Variants in TSHR observed in about 807,000 individuals in gnomAD.
The protein encoded by TSHR is thyroid stimulating hormone receptor.
A neutral mutation model predicts 64.1 loss-of-function variants in TSHR; 51 were observed. The ratio of observed to expected loss-of-function variants is 0.80; its 90% CI spans 0.64 to 1.01. The LOEUF is 1.01. Among genes scored for constraint, TSHR ranks in the 50% least tolerant of loss-of-function variants. TSHR has a pLI of 0.00. For missense variants in TSHR, 877 were observed against 942.8 expected, an observed-to-expected ratio of 0.93 and a Z score of 0.91; for synonymous variants, 361 against 361.9, an observed-to-expected ratio of 1.00 and a Z score of 0.03.
chr14:81,057,211 G>A (rs1223155746), intron 1 of TSHR, among the ~76,000 whole-genome samples: 4 of 152,160 alleles, frequency 2.6e-5, no homozygotes, highest in African/African-American at 9.7e-5. Flanking sequence ...AGGAGTTTGA[G>A]ACCAGCCTGG....
At chr14:80,980,170 T>C (rs1427379897) in intron 1 of TSHR, among the ~76,000 whole-genome samples, 1 of 152,224 alleles carries the variant, frequency 6.6e-6, no homozygotes, top group Non-Finnish European at 1.5e-5. Flanking sequence ...GAATGTGTCA[T>C]TCACTCTGCT....
At chr14:81,001,794 A>T (rs1889334946) in intron 1 of TSHR, 4 of 325,570 alleles carry the variant, frequency 1.2e-5, no homozygotes, top group African/African-American at 2.2e-5. Context: ...TGAACAGAAA[A>T]CTATTTTCAC....
intron 8 of TSHR, among the ~76,000 whole-genome samples, chr14:81,115,078 G>GA (rs1890432409): frequency 6.6e-6 from 1 of 152,188 alleles, no homozygotes; most frequent in South Asian, 2.1e-4. Context: ...CAAAGATGGG[G>GA]AAAAAACAGA....
At chr14:81,057,376 G>A (rs764985869) in intron 1 of TSHR, among the ~76,000 whole-genome samples, 12 of 152,144 alleles carry the variant, frequency 7.9e-5, no homozygotes, top group East Asian at 5.8e-4. Context: ...GCACCACTGT[G>A]CTCCAGCCTG....
intron 6 of TSHR, among the ~76,000 whole-genome samples, chr14:81,095,767 T>A (rs1889127160): frequency 6.6e-6 from 1 of 151,940 alleles, no homozygotes; most frequent in Non-Finnish European, 1.5e-5. Flanking sequence ...ACATTAACAT[T>A]TCCAGCCCAG....
chr14:80,962,857 G>C (rs1887105995), intron 1 of TSHR, among the ~76,000 whole-genome samples: 1 of 152,120 alleles, frequency 6.6e-6, no homozygotes, highest in Admixed American at 6.5e-5. Flanking sequence ...AATCTAGAAA[G>C]GTGTAAAATA....
rs7148964 is a variant in TSHR at position 81,108,472 on chromosome 14, G to T, written c.692+20G>T. On this transcript the variant is annotated intron_variant, in intron 8 of 9. Coordinates refer to ENST00000298171, the MANE Select transcript of TSHR (RefSeq NM_000369.5). Reference sequence around the variant, plus strand: ...CTTGCTGTGAGTAAGACATACAAAAGAATATTTTAGTCTTTTTTTTTCTTT... The same window carrying T: ...CTTGCTGTGAGTAAGACATACAAAATAATATTTTAGTCTTTTTTTTTCTTT... 4.9e-6 allele frequency: 6 copies of T among 1,214,134 alleles called. No individual in the cohort carries two copies. The highest frequency in any genetic ancestry group is 7.1e-6 in the Non-Finnish European group (6 of 839,626). The allele number at this position is 1,214,134 out of a possible 1,614,324, so 75.2% of individuals were successfully genotyped here. A position where few individuals can be genotyped will look rare whatever the true frequency, so the allele number is the denominator to read the frequency against.
intron 1 of TSHR, among the ~76,000 whole-genome samples, chr14:80,974,127 T>C (rs888811001): frequency 9.9e-5 from 15 of 152,204 alleles, no homozygotes; most frequent in Admixed American, 5.2e-4. Flanking sequence ...TTATTACTAA[T>C]GCGGTGGTAG....
At position 81,108,668 on chromosome 14, in the gene TSHR, G is replaced by A. The variant is rs200568195; in HGVS notation, c.692+216G>A. The A allele has an allele frequency of 2.0e-5, 33 of 1,614,020 alleles. No homozygotes were observed. In the East Asian group the frequency reaches 7.1e-4, roughly 35 times the overall value. ...GAGACTCAGAAGGCCCCACGCTCCAGTATGCCATCATGATGCCTGCTAAGG... is the reference window on the plus strand; with the variant it reads ...GAGACTCAGAAGGCCCCACGCTCCAATATGCCATCATGATGCCTGCTAAGG... On this transcript the variant is annotated intron_variant, in intron 8 of 9. Transcript: ENST00000298171.
At chr14:80,965,220 G>A (rs1020439036) in intron 1 of TSHR, among the ~76,000 whole-genome samples, 3 of 152,178 alleles carry the variant, frequency 2.0e-5, no homozygotes, top group African/African-American at 7.2e-5. Flanking sequence ...CTTGGGGTGT[G>A]ACTGCCCTCA....
At chr14:81,047,246 AG>A (rs1566779007) in intron 1 of TSHR, among the ~76,000 whole-genome samples, 1 of 152,136 alleles carries the variant, frequency 6.6e-6, no homozygotes. Context: ...AAGAATGGGA[AG>A]AACTCGCTTT....
chr14:80,955,925 A>C, intron 1 of TSHR, 75 bp downstream of exon 1: 1 of 1,588,496 alleles, frequency 6.3e-7, no homozygotes, highest in Non-Finnish European at 8.6e-7. Flanking sequence ...AGTGCACAAA[A>C]GCAGCTCAAT....
intron 1 of TSHR, among the ~76,000 whole-genome samples, chr14:81,043,340 G>A (rs1486835856): frequency 2.6e-5 from 4 of 152,062 alleles, no homozygotes; most frequent in African/African-American, 9.7e-5. Flanking sequence ...ATTCACAACT[G>A]CTACAAAAAG....
intron 8 of TSHR, among the ~76,000 whole-genome samples, chr14:81,120,504 C>T (rs895069031): frequency 3.2e-4 from 48 of 152,152 alleles, no homozygotes; most frequent in Non-Finnish European, 7.3e-5. Flanking sequence ...TATAGAAACA[C>T]AACTGATTTT....
intron 8 of TSHR, among the ~76,000 whole-genome samples, chr14:81,133,741 T>C (rs1482132622): frequency 6.6e-6 from 1 of 152,154 alleles, no homozygotes; most frequent in Non-Finnish European, 1.5e-5. Flanking sequence ...AGTCAAAGAA[T>C]GCTCCTAACA....
chr14:81,068,519 T>C, intron 3 of TSHR, 191 bp downstream of exon 3: 1 of 583,890 alleles, frequency 1.7e-6, no homozygotes, highest in Non-Finnish European at 3.1e-6. Context: ...AATTCCATGG[T>C]TGGAAGTTAA....
At chr14:81,080,290 T>C (rs1207194606) in intron 3 of TSHR, among the ~76,000 whole-genome samples, 1 of 152,180 alleles carries the variant, frequency 6.6e-6, no homozygotes, top group African/African-American at 2.4e-5. Context: ...TGAAAAATTT[T>C]ACAACTGGGA....
At position 80,969,156 on chromosome 14, in the gene TSHR, G is replaced by T. The variant is rs184764171; in HGVS notation, c.170+13306G>T. Among the ~76,000 whole-genome samples, 178 of 152,272 alleles carry T rather than the reference G, an allele frequency of 1.2e-3. 1 individual carries two copies. Among genetic ancestry groups the T allele is most frequent in the African/African-American group, 4.1e-3 (171 of 41,556 alleles). ...TTTCTTAGATCAGATCCCCAATCCT[G>T]CAGGGCTTTGTCCCCAAGATGGCAC... On this transcript the variant is annotated intron_variant, in intron 1 of 9. Transcript: ENST00000298171.
chr14:81,084,082 C>T (rs562517500), intron 3 of TSHR, among the ~76,000 whole-genome samples: 1 of 152,282 alleles, frequency 6.6e-6, no homozygotes, highest in South Asian at 2.1e-4. Context: ...CCTCTCCCAA[C>T]ACATGGAGAT....
Sources: gnomAD v4.1 joint callset for allele counts (sites outside exome capture counted in the v4.1 genomes callset) on GRCh38, gnomAD v4.1.1 for gene constraint, MANE v1.5 for transcripts, NCBI Gene and HGNC (gene_info 2026-07-23, HGNC 2026-07-21) for gene names.